ITPA: variants seen among roughly 807,000 people sequenced by gnomAD.
ITPA encodes the protein inosine triphosphate pyrophosphatase.
In ITPA, 29 loss-of-function variants were observed where a neutral mutation model predicts 29.6. The observed-to-expected ratio is 0.98, with a 90% CI of 0.73 to 1.34. The LOEUF (loss-of-function observed/expected upper bound fraction) is 1.34. Among genes scored for constraint, ITPA ranks in the 40% most tolerant of loss-of-function variants. The pLI, the probability that ITPA is intolerant of heterozygous loss-of-function variation, is 0.00. For synonymous variants in ITPA, 103 were observed against 99.3 expected (o/e 1.04, Z -0.22); for missense variants, 241 against 251.5 (o/e 0.96, Z 0.28).
At chr20:3,210,867 A>G (rs145832827) in intron 1 of ITPA, among the ~76,000 whole-genome samples, 1,987 of 152,132 alleles carry the variant, frequency 0.013, 37 homozygotes, top group African/African-American at 0.046. Flanking sequence ...CCTGGCCAAC[A>G]TCATGAAACT....
rs1363695385 is a variant in ITPA, at chr20:3,213,206, T to C, written c.104T>C (p.Leu35Ser). The change falls in exon 2 of 8, where the codon TTG becomes TCG. Residue 35 changes from leucine (L) to serine (S), a missense_variant. Transcript: ENST00000380113. Reference sequence around the variant, plus strand: ...CTAGGAGATAAGTTTCCATGCACTTTGGTGGCACAGAAAATTGACCGTATG... The same window carrying C: ...CTAGGAGATAAGTTTCCATGCACTTCGGTGGCACAGAAAATTGACCGTATG... ...QILGDKFPCTLVAQKIDLPEY... is the reference protein window; with the variant it reads ...QILGDKFPCTSVAQKIDLPEY... 6.2e-7 allele frequency: 1 copy of C among 1,614,098 alleles called. No individual in the cohort carries two copies. The highest frequency in any genetic ancestry group is 1.1e-5 in the South Asian group (1 of 91,092).
At chr20:3,216,940 G>A (rs139985370) in intron 5 of ITPA, among the ~76,000 whole-genome samples, 17,772 of 151,662 alleles carry the variant, frequency 0.12, 1,307 homozygotes, top group Non-Finnish European at 0.16. Flanking sequence ...GAGTGCAGTG[G>A]TGTGATCTTG....
At chr20:3,218,688 C>A in intron 6 of ITPA, 56 bp downstream of exon 6, 1 of 1,333,372 alleles carries the variant, frequency 7.5e-7, no homozygotes, top group South Asian at 1.2e-5. Context: ...GTGCCGCGAC[C>A]CGAGCCGACC....
At chr20:3,204,243 G>A (rs559266397), upstream of ITPA, among the ~76,000 whole-genome samples, 5 of 152,338 alleles carry the variant, frequency 3.3e-5, no homozygotes, top group East Asian at 9.6e-4. Flanking sequence ...GGTGACGGAT[G>A]GGAGTGTGCG....
At chr20:3,213,289 G>C (rs1332277241) in intron 2 of ITPA, 30 bp from the exon 3 acceptor site, 1 of 1,614,172 alleles carries the variant, frequency 6.2e-7, no homozygotes, top group Non-Finnish European at 8.5e-7. Flanking sequence ...CCTGTGACCT[G>C]ACTTTCTGTG....
chr20:3,214,787 G>A (rs564823987), intron 4 of ITPA, among the ~76,000 whole-genome samples: 1 of 152,064 alleles, frequency 6.6e-6, no homozygotes, highest in South Asian at 2.1e-4. Context: ...CACCATGTTA[G>A]CCAGGATCGT....
At chr20:3,222,008 G>A (rs1016596929) in intron 7 of ITPA, 91 bp downstream of exon 7, 40 of 1,246,298 alleles carry the variant, frequency 3.2e-5, no homozygotes, top group South Asian at 1.7e-4. Flanking sequence ...GCAGGCATGC[G>A]GATATGGGCA....
downstream of ITPA, among the ~76,000 whole-genome samples, chr20:3,226,576 G>T (rs920833581): frequency 6.6e-6 from 1 of 152,168 alleles, no homozygotes; most frequent in Non-Finnish European, 1.5e-5. This position sits in a 1 kb window ranked among gnomAD's most constrained non-coding sequence, Gnocchi z 4.4. Flanking sequence ...CTCCTGTTAC[G>T]GTTGGGCCTC....
At chr20:3,204,699 C>T, upstream of ITPA, 1 of 1,435,460 alleles carries the variant, frequency 7.0e-7, no homozygotes. Flanking sequence ...CCCCTATTTC[C>T]CAATCTAGAC....
chr20:3,207,602 G>A (rs1193719986), upstream of ITPA, among the ~76,000 whole-genome samples: 1 of 152,098 alleles, frequency 6.6e-6, no homozygotes, highest in African/African-American at 2.4e-5. Context: ...GCTGAGGCAG[G>A]AGAATCCCTT....
upstream of ITPA, among the ~76,000 whole-genome samples, chr20:3,207,618 C>T (rs1487766423): frequency 6.6e-6 from 1 of 151,694 alleles, no homozygotes; most frequent in Non-Finnish European, 1.5e-5. Flanking sequence ...CCCTTGAACC[C>T]GGGAGTCGGA....
chr20:3,221,979 GC>G, intron 7 of ITPA, 62 bp downstream of exon 7: 1 of 1,516,096 alleles, frequency 6.6e-7, no homozygotes, highest in Non-Finnish European at 9.1e-7. Context: ...TTTGGGTTGG[GC>G]CAGTGCCCCG....
upstream of ITPA, among the ~76,000 whole-genome samples, chr20:3,208,645 G>C (rs1274897527): frequency 6.6e-6 from 1 of 152,170 alleles, no homozygotes; most frequent in Non-Finnish European, 1.5e-5. Flanking sequence ...CAAAGTGCTG[G>C]GATTACAGGC....
upstream of ITPA, chr20:3,204,788 GGT>G (rs1221753662): frequency 3.1e-6 from 2 of 647,232 alleles, no homozygotes; most frequent in African/African-American, 3.7e-5. Context: ...GAGTTTGGGG[GGT>G]GTAAAGAAAC....
chr20:3,218,539 G>A lies in ITPA; in HGVS notation c.318G>A (p.Gly106=), dbSNP rs769078931. 1.4e-5 allele frequency: 23 copies of A among 1,613,792 alleles called. No individual in the cohort carries two copies. Among genetic ancestry groups the A allele is most frequent in the Non-Finnish European group, 1.9e-5 (23 of 1,180,008 alleles). The stretch of plus-strand genomic sequence containing the variant: ...CAGGTCTCCACCAGCTCCTGGCCGG[G>A]TTCGAGGACAAGTCAGCCTATGCGC... ...KPEGLHQLLA[G]FEDKSAYALC... is the part of the protein sequence containing the mutation. Residue 106 remains glycine (G), a synonymous_variant, in exon 6 of 8, where the codon GGG becomes GGA. Transcript: ENST00000380113.
chr20:3,217,296 G>T (rs562753368), intron 5 of ITPA, among the ~76,000 whole-genome samples: 6 of 152,176 alleles, frequency 3.9e-5, no homozygotes, highest in African/African-American at 1.4e-4. Flanking sequence ...ATTAAAAAAA[G>T]CATAGTAGAA....
chr20:3,209,460 C>G, upstream of ITPA: 1 of 1,235,330 alleles, frequency 8.1e-7, no homozygotes, highest in Non-Finnish European at 1.2e-6. This position sits in a 1 kb window ranked among gnomAD's most constrained non-coding sequence, Gnocchi z 4.6. Context: ...TGGCCGGAAA[C>G]TGAGCCGTTC....
At chr20:3,204,762 T>A (rs983042178), upstream of ITPA, 8 of 801,852 alleles carry the variant, frequency 1.0e-5, no homozygotes, top group South Asian at 8.9e-5. Context: ...GAGGCTTTAA[T>A]GTCAGACATT....
upstream of ITPA, among the ~76,000 whole-genome samples, chr20:3,208,072 A>T (rs2122263608): frequency 6.6e-6 from 1 of 152,114 alleles, no homozygotes; most frequent in Middle Eastern, 3.4e-3. Context: ...TTTAGAAGAG[A>T]AAACAGAATC....
Sources: allele counts gnomAD v4.1 joint callset (sites outside exome capture counted in the v4.1 genomes callset), GRCh38; gene constraint gnomAD v4.1.1; non-coding constraint Gnocchi (gnomAD v3.1); transcripts MANE v1.5; gene names NCBI Gene and HGNC (gene_info 2026-07-23, HGNC 2026-07-21).